The following ADGRG2 variants were observed in gnomAD, a reference collection of about 807,000 sequenced individuals.
The protein encoded by ADGRG2 is adhesion G protein-coupled receptor G2.
In ADGRG2, 26 loss-of-function variants were observed where a neutral mutation model predicts 74.1. The ratio of observed to expected loss-of-function variants is 0.35; its 90% CI spans 0.26 to 0.49. ADGRG2 has a LOEUF of 0.49. Ranked by LOEUF, ADGRG2 falls within the 20% of genes least tolerant of loss-of-function variation. ADGRG2 has a pLI of 0.99. For missense variants in ADGRG2, 619 were observed against 763.1 expected, an observed-to-expected ratio of 0.81 and a Z score of 2.22; for synonymous variants, 296 against 295.2, an observed-to-expected ratio of 1.00 and a Z score of -0.03.
chrX:19,101,700 CA>C (rs199707012), intron 1 of ADGRG2, among the ~76,000 whole-genome samples: 25 of 96,680 alleles, frequency 2.6e-4, no homozygotes, highest in East Asian at 6.4e-4. Context: ...GACGCAATCT[CA>C]AAAAAAAAAA....
At chrX:19,083,677 T>C (rs1475395049) in intron 1 of ADGRG2, among the ~76,000 whole-genome samples, 1 of 111,689 alleles carries the variant, frequency 9.0e-6, no homozygotes, top group African/African-American at 3.3e-5. Context: ...AAGAATGGGG[T>C]ATCCACCCAA....
At chrX:18,991,162 A>T in intron 28 of ADGRG2, 114 bp from the exon 29 acceptor site, 1 of 403,388 alleles carries the variant, frequency 2.5e-6, no homozygotes, top group South Asian at 7.3e-5. Flanking sequence ...ATATGTTTTT[A>T]AAAACATTTG....
Position 18,991,006 on chromosome X carries a change from T to C in ADGRG2, c.2912A>G (p.Gln971Arg), listed in dbSNP as rs748660061. 7.5e-6 allele frequency: 9 copies of C among 1,202,677 alleles called. No homozygotes were observed. The Admixed American group carries it at 2.0e-4, about 26-fold the overall frequency. ...TERNGVSFSV[Q>R]NGDVCLHDFT... Reference sequence around the variant, plus strand: ...ATCGTGAAGGCACACATCTCCATTCTGAACACTAAAAGAGACCCCATTCCT... The same window carrying C: ...ATCGTGAAGGCACACATCTCCATTCCGAACACTAAAAGAGACCCCATTCCT... Residue 971 changes from glutamine (Q) to arginine (R), a missense_variant, in exon 29 of 29, where the codon CAG (glutamine) becomes CGG (arginine). Transcript: ENST00000379869.
rs143528070 is a variant in ADGRG2, at chrX:19,008,008, T to C, written c.1538A>G (p.Asn513Ser). Residue 513 changes from asparagine (N) to serine (S), a missense_variant, in exon 19 of 29, where the codon AAT becomes AGT. This residue lies in a region of ADGRG2 where 221 missense variants were observed against 340.6 expected (regional missense o/e 0.65). Coordinates refer to ENST00000379869, the MANE Select transcript of ADGRG2 (RefSeq NM_001079858.3). ...DMELASRVQF[N>S]FFETPALFQD... ...AAACAAAGCAGGTGTTTCAAAAAAA[T>C]TGAACTGAACCCTGGAAGCTAGCTC... The C allele has an allele frequency of 3.0e-5, 36 of 1,200,917 alleles. No individual in the cohort carries two copies. The African/African-American group carries it at 4.0e-4, about 14-fold the overall frequency.
chrX:19,120,011 T>C (rs1424883731), intron 1 of ADGRG2, among the ~76,000 whole-genome samples: 1 of 112,124 alleles, frequency 8.9e-6, no homozygotes, highest in African/African-American at 3.2e-5. Flanking sequence ...TTGGGCAAGA[T>C]TTCTTCACAG....
intron 14 of ADGRG2, 89 bp downstream of exon 14, chrX:19,021,015 T>C: frequency 1.8e-6 from 1 of 564,134 alleles, no homozygotes; most frequent in Non-Finnish European, 3.0e-6. Context: ...AGCTGTAACA[T>C]ATGTAAATTT....
chrX:19,002,364 A>G (rs2146523814), intron 24 of ADGRG2, among the ~76,000 whole-genome samples: 1 of 111,723 alleles, frequency 9.0e-6, no homozygotes, highest in South Asian at 3.7e-4. Flanking sequence ...CGTGGCAGTG[A>G]AGTTACAATG....
At position 19,023,942 on chromosome X, in the gene ADGRG2, T is replaced by C. The variant is rs1432121341; in HGVS notation, c.477A>G (p.Ser159=). The C allele has an allele frequency of 1.7e-6, 2 of 1,176,006 alleles. No individual in the cohort carries two copies. Among genetic ancestry groups the C allele is most frequent in the Non-Finnish European group, 2.3e-6 (2 of 864,786 alleles). Residue 159 remains serine (S), a synonymous_variant, in exon 12 of 29, where the codon TCA becomes TCG. Coordinates refer to ENST00000379869, the MANE Select transcript of ADGRG2 (RefSeq NM_001079858.3). ...GVLSLSELKR[S]ELNKTLQTLS... ...GGGTTTGCAGGGTTTTGTTGAGCTC[T>C]GAGCGTCTGTAATAAAATGAGAGAA...
Position 19,100,248 on chromosome X carries a change from T to C in ADGRG2, c.-46-17502A>G, listed in dbSNP as rs141131975. Among the ~76,000 whole-genome samples, 111 of 112,800 alleles carry C rather than the reference T, an allele frequency of 9.8e-4. No individual in the cohort carries two copies. The Middle Eastern group carries it at 0.018, about 19-fold the overall frequency. On this transcript the variant is annotated intron_variant, in intron 1 of 28. Transcript: ENST00000379869. ...TGGGTAGAATCCTCAAAAGTTATCA[T>C]AGGTAAAAATCTGCATTTCCTCTGC... is the stretch of plus-strand genomic sequence containing the variant.
chrX:19,092,059 T>G (rs2062025056), intron 1 of ADGRG2, among the ~76,000 whole-genome samples: 1 of 112,134 alleles, frequency 8.9e-6, no homozygotes, highest in Non-Finnish European at 1.9e-5. Context: ...CAGCTGCATG[T>G]GAACTAGAAT....
intron 1 of ADGRG2, among the ~76,000 whole-genome samples, chrX:19,106,078 T>G (rs940488832): frequency 2.7e-5 from 3 of 110,684 alleles, no homozygotes; most frequent in Non-Finnish European, 3.8e-5. Context: ...ATAGATGGCG[T>G]TATCAAGCCA....
At chrX:19,095,877 G>A (rs186649295) in intron 1 of ADGRG2, among the ~76,000 whole-genome samples, 30 of 110,277 alleles carry the variant, frequency 2.7e-4, no homozygotes, top group Non-Finnish European at 4.7e-4. Context: ...AAATTAGCTG[G>A]GTGTGGGGGC....
At chrX:19,017,113 C>G (rs1350839293) in intron 15 of ADGRG2, among the ~76,000 whole-genome samples, 1 of 111,749 alleles carries the variant, frequency 8.9e-6, no homozygotes, top group East Asian at 2.8e-4. Flanking sequence ...AGTCTCTATA[C>G]AGACCCTCGG....
At chrX:19,086,832 A>G (rs781759477) in intron 1 of ADGRG2, among the ~76,000 whole-genome samples, 1 of 111,863 alleles carries the variant, frequency 8.9e-6, no homozygotes, top group African/African-American at 3.2e-5. Flanking sequence ...TTCATTAGTG[A>G]CCTAGACCGA....
chrX:19,012,603 G>A (rs1282852300), intron 16 of ADGRG2, among the ~76,000 whole-genome samples: 1 of 100,685 alleles, frequency 9.9e-6, no homozygotes, highest in Non-Finnish European at 2.0e-5. Context: ...AACCAGCCTA[G>A]GCAACATAGC....
At chrX:19,105,576 T>C (rs1355207665) in intron 1 of ADGRG2, among the ~76,000 whole-genome samples, 3 of 109,322 alleles carry the variant, frequency 2.7e-5, no homozygotes, top group African/African-American at 1.0e-4. Context: ...CGGGGGCCTG[T>C]AGGGGGATGG....
In ADGRG2 at chrX:19,105,121, T is replaced by TCTG. The variant is rs1434725329; in HGVS notation, c.-47+17318_-47+17320dup. On this transcript the variant is annotated intron_variant, in intron 1 of 28. Coordinates refer to ENST00000379869, the MANE Select transcript of ADGRG2 (RefSeq NM_001079858.3). ...GTATTTCTTCTTCCTTCTTTCTTTT[T>TCTG]CTGCTGCTGCTGCTTCTTCGAGATG... is the stretch of plus-strand genomic sequence containing the variant. Among the ~76,000 whole-genome samples the TCTG allele has an allele frequency of 9.0e-5, 10 of 110,611 alleles. No individual in the cohort carries two copies. The East Asian group carries it at 2.8e-3, about 31-fold the overall frequency.
chrX:19,083,619 G>A (rs1221527497), intron 1 of ADGRG2, among the ~76,000 whole-genome samples: 4 of 111,607 alleles, frequency 3.6e-5, no homozygotes, highest in Non-Finnish European at 5.6e-5. Flanking sequence ...AGGGGAACAT[G>A]GGGGTATTTG....
At chrX:19,081,019 C>T (rs1328443886) in intron 2 of ADGRG2, among the ~76,000 whole-genome samples, 1 of 110,820 alleles carries the variant, frequency 9.0e-6, no homozygotes, top group East Asian at 2.8e-4. Flanking sequence ...CCACAAAAAA[C>T]AAGGCAGATA....
Sources: allele counts gnomAD v4.1 joint callset (sites outside exome capture counted in the v4.1 genomes callset), GRCh38; gene constraint gnomAD v4.1.1; regional missense constraint gnomAD v4.1.1; transcripts MANE v1.5; gene names NCBI Gene and HGNC (gene_info 2026-07-23, HGNC 2026-07-21).